Variants in GSE1 observed in about 807,000 individuals in gnomAD.
GSE1 encodes genetic suppressor element 1.
A neutral mutation model predicts 112.6 loss-of-function variants in GSE1; 32 were observed. The ratio of observed to expected loss-of-function variants is 0.28; its 90% CI spans 0.21 to 0.38. GSE1 has a LOEUF of 0.38. GSE1 is among the 10% of genes least tolerant of loss of function. The probability of loss-of-function intolerance (pLI) is 1.00; values close to 1 mark genes in which losing one functional copy is unlikely to be tolerated. For synonymous variants in GSE1, 1,115 were observed against 735.6 expected (o/e 1.52, Z -8.35); for missense variants, 2,348 against 1,699.2 (o/e 1.38, Z -6.71).
At chr16:85,637,836 G>C (rs1255248859) in intron 2 of GSE1, among the ~76,000 whole-genome samples, 2 of 152,184 alleles carry the variant, frequency 1.3e-5, no homozygotes, top group Admixed American at 6.5e-5. Context: ...AGAGCACCAA[G>C]CCCCAGCGGG....
chr16:85,661,663 C>T lies in GSE1; in HGVS notation c.2158C>T (p.Pro720Ser), dbSNP rs1214736140. 2 of 1,610,822 alleles carry T rather than the reference C, an allele frequency of 1.2e-6. No homozygotes were observed. Among genetic ancestry groups the T allele is most frequent in the Non-Finnish European group, 1.7e-6 (2 of 1,179,334 alleles). Reference protein sequence around the residue: ...SPYRPPVPRAPDPAYIYDEFL... With the variant: ...SPYRPPVPRASDPAYIYDEFL... ...CTACCGGCCCCCAGTGCCACGGGCCCCCGACCCTGCCTACATCTATGATGA... is the reference window on the plus strand; with the variant it reads ...CTACCGGCCCCCAGTGCCACGGGCCTCCGACCCTGCCTACATCTATGATGA... The change falls in exon 9 of 16, where the codon CCC (proline) becomes TCC (serine). Residue 720 changes from proline to serine, a missense_variant. Coordinates refer to ENST00000253458, the MANE Select transcript of GSE1 (RefSeq NM_014615.5).
chr16:85,422,230 C>T (rs961155450), intron 2 of GSE1, among the ~76,000 whole-genome samples: 1 of 152,188 alleles, frequency 6.6e-6, no homozygotes, highest in Non-Finnish European at 1.5e-5. Context: ...GACTTTGCAT[C>T]AGACACAATC....
intron 2 of GSE1, among the ~76,000 whole-genome samples, chr16:85,475,089 A>G (rs2050411352): frequency 6.6e-6 from 1 of 152,056 alleles, no homozygotes; most frequent in South Asian, 2.1e-4. Context: ...ACACTCCCCG[A>G]TGGGTTAATT....
At chr16:85,275,697 G>C (rs11649452) in intron 1 of GSE1, among the ~76,000 whole-genome samples, 22,854 of 152,264 alleles carry the variant, frequency 0.15, 2,247 homozygotes, top group East Asian at 0.37. Flanking sequence ...GGACTGAATA[G>C]GGGCCTGTAA....
At chr16:85,643,611 G>T (rs1455200363) in intron 2 of GSE1, among the ~76,000 whole-genome samples, 1 of 152,240 alleles carries the variant, frequency 6.6e-6, no homozygotes, top group African/African-American at 2.4e-5. Context: ...GGTTCAGAGG[G>T]ATGGGGCAGC....
At chr16:85,308,073 G>A (rs926309454) in intron 1 of GSE1, among the ~76,000 whole-genome samples, 18 of 152,154 alleles carry the variant, frequency 1.2e-4, no homozygotes, top group Admixed American at 2.0e-4. Context: ...GGTCAGGTGC[G>A]GTTCTGTGGG....
At chr16:85,641,556 C>T (rs1412430920) in intron 2 of GSE1, among the ~76,000 whole-genome samples, 4 of 152,264 alleles carry the variant, frequency 2.6e-5, no homozygotes, top group African/African-American at 9.6e-5. Context: ...CCCTGGAACG[C>T]AGGGGGTCGC....
intron 1 of GSE1, among the ~76,000 whole-genome samples, chr16:85,251,240 C>T (rs1183927430): frequency 6.6e-6 from 1 of 152,240 alleles, no homozygotes; most frequent in East Asian, 1.9e-4. Context: ...CTCTCAGAGG[C>T]CTTGCCCTCA....
rs78379598 is a variant in GSE1, at chr16:85,312,737, C to T, written c.2284-44726C>T. On this transcript the variant is annotated intron_variant, in intron 1 of 2. Coordinates refer to the GSE1 transcript ENST00000637419. ...GAAAGAGAAGGAGGAGAGGAGGAGG[C>T]GGACGAGGAGGAGAAGGAGGGGGAG... Among the ~76,000 whole-genome samples, 17 of 148,402 alleles carry T rather than the reference C, an allele frequency of 1.1e-4. No individual in the cohort carries two copies. The East Asian group carries it at 1.6e-3, about 14-fold the overall frequency.
At chr16:85,218,024 C>T (rs1198273201) in intron 1 of GSE1, among the ~76,000 whole-genome samples, 1 of 152,182 alleles carries the variant, frequency 6.6e-6, no homozygotes, top group Non-Finnish European at 1.5e-5. Flanking sequence ...CCTCAGCCTC[C>T]TGTGTAACTG....
At chr16:85,408,583 GC>G (rs1427744983) in intron 2 of GSE1, among the ~76,000 whole-genome samples, 4 of 17,208 alleles carry the variant, frequency 2.3e-4, no homozygotes, top group African/African-American at 5.0e-4. Flanking sequence ...TTACACTCAG[GC>G]CCCCCTGGAA....
intron 2 of GSE1, among the ~76,000 whole-genome samples, chr16:85,491,926 C>T (rs1015771009): frequency 2.0e-5 from 3 of 152,158 alleles, no homozygotes; most frequent in Non-Finnish European, 4.4e-5. Flanking sequence ...CAGGAGGTGC[C>T]TTCTGTCTGC....
chr16:85,229,894 GGCCCTCTT>G (rs1299206883), intron 1 of GSE1, among the ~76,000 whole-genome samples: 1 of 152,182 alleles, frequency 6.6e-6, no homozygotes, highest in African/African-American at 2.4e-5. Context: ...GGGGGTAGAG[GGCCCTCTT>G]GCCCTTTTCT....
chr16:85,281,677 C>T lies in GSE1; in HGVS notation c.2284-75786C>T, dbSNP rs1003163751. On this transcript the variant is annotated intron_variant, in intron 1 of 2. Transcript: ENST00000637419. The stretch of plus-strand genomic sequence containing the variant: ...CTCAAGTTCCCTCCTACCTGGTCAC[C>T]GTGGGCAAAACCAAGGTGCATGGAC... Among the ~76,000 whole-genome samples the T allele has an allele frequency of 4.6e-5, 7 of 152,244 alleles. No individual in the cohort carries two copies. In the East Asian group the frequency reaches 9.7e-4, roughly 21 times the overall value.
intron 1 of GSE1, among the ~76,000 whole-genome samples, chr16:85,275,787 C>T (rs920277301): frequency 3.9e-5 from 6 of 152,178 alleles, no homozygotes; most frequent in African/African-American, 9.7e-5. Context: ...AGCCCCATGT[C>T]CCCAGCAGAT....
At chr16:85,195,747 C>T (rs2074914583) in intron 1 of GSE1, among the ~76,000 whole-genome samples, 1 of 152,180 alleles carries the variant, frequency 6.6e-6, no homozygotes, top group Non-Finnish European at 1.5e-5. Context: ...CACCAGGGCA[C>T]CGCACTGCTG....
intron 2 of GSE1, among the ~76,000 whole-genome samples, chr16:85,533,680 A>C (rs528707090): frequency 6.6e-6 from 1 of 152,128 alleles, no homozygotes; most frequent in Non-Finnish European, 1.5e-5. Flanking sequence ...CCTGGGCAAC[A>C]TAGAGGGACC....
In GSE1 at chr16:85,668,322, G is replaced by A. The variant is rs201565918; in HGVS notation, c.3313G>A (p.Glu1105Lys). 246 of 1,612,866 alleles carry A rather than the reference G, an allele frequency of 1.5e-4. No homozygotes were observed. Among genetic ancestry groups the A allele is most frequent in the Non-Finnish European group, 2.0e-4 (237 of 1,178,978 alleles). ...QELDRDSEEE[E>K]EEDDEDGEDE... ...GTTGGACCGGGACTCGGAGGAGGAG[G>A]AAGAGGAGGATGATGAAGATGGAGA... Residue 1105 changes from glutamate (E) to lysine (K), a missense_variant, in exon 14 of 16, where the codon GAA becomes AAA. Glu to Lys is a moderately conservative substitution (Grantham distance 56, BLOSUM62 1). Coordinates refer to ENST00000253458, the MANE Select transcript of GSE1 (RefSeq NM_014615.5).
At chr16:85,538,845 C>T (rs2044421736) in intron 2 of GSE1, among the ~76,000 whole-genome samples, 1 of 152,322 alleles carries the variant, frequency 6.6e-6, no homozygotes, top group East Asian at 1.9e-4. Flanking sequence ...CCCTGGAAGA[C>T]CTCTGGGGCT....
Sources: allele counts gnomAD v4.1 joint callset (sites outside exome capture counted in the v4.1 genomes callset), GRCh38; gene constraint gnomAD v4.1.1; transcripts MANE v1.5; gene names NCBI Gene and HGNC (gene_info 2026-07-23, HGNC 2026-07-21).